RRM2B: variants seen among roughly 807,000 people sequenced by gnomAD.
The protein encoded by RRM2B is ribonucleotide reductase regulatory TP53 inducible subunit M2B, also known as ribonucleoside-diphosphate reductase subunit M2 B.
RRM2B carries 20 observed loss-of-function variants against 45.9 expected under a neutral mutation model. The observed-to-expected ratio is 0.44, with a 90% CI of 0.31 to 0.63. The LOEUF is 0.63. Ranked by LOEUF, RRM2B falls within the 30% of genes least tolerant of loss-of-function variation. The probability of loss-of-function intolerance (pLI) is 0.09; values close to 1 mark genes in which losing one functional copy is unlikely to be tolerated. For synonymous variants in RRM2B, 124 were observed against 132.3 expected (o/e 0.94, Z 0.43); for missense variants, 320 against 414.7 (o/e 0.77, Z 1.98).
chr8:102,234,166 C>T (rs927804169), intron 1 of RRM2B, among the ~76,000 whole-genome samples: 7 of 152,184 alleles, frequency 4.6e-5, no homozygotes, highest in African/African-American at 1.4e-4. Flanking sequence ...CACTCTTCAG[C>T]ACCAAATGCC....
Position 102,217,081 on chromosome 8 carries a change from G to C in RRM2B, c.684+1733C>G, listed in dbSNP as rs563357368. 1.1e-3 allele frequency among the ~76,000 whole-genome samples: 170 copies of C among 152,042 alleles called. 1 individual carries two copies. The highest frequency in any genetic ancestry group is 3.8e-3 in the African/African-American group (158 of 41,508). On this transcript the variant is annotated intron_variant, in intron 6 of 8. Transcript: ENST00000251810. ...ATACTATAGTAAAACAAAAAACCTGGAAATAATCTAAATTTCTAATTATAA... is the reference window on the plus strand; with the variant it reads ...ATACTATAGTAAAACAAAAAACCTGCAAATAATCTAAATTTCTAATTATAA...
rs771055735 is a variant in RRM2B at position 102,207,264 on chromosome 8, C to A, written c.*869G>T. ...TGACCACAGAATCCCCTTTTTCCCC[C>A]AAAAAAATATCTAGAGGAGCTAATA... On this transcript the variant is annotated 3_prime_UTR_variant, in exon 9 of 9. Transcript: ENST00000251810. The A allele has an allele frequency of 3.8e-4, 57 of 151,972 alleles. 1 individual carries two copies. The highest frequency in any genetic ancestry group is 4.6e-4 in the Non-Finnish European group (31 of 67,952). The allele number at this position is 151,972 out of a possible 1,614,324, so 9.4% of individuals were successfully genotyped here. A position where few individuals can be genotyped will look rare whatever the true frequency, so the allele number is the denominator to read the frequency against.
chr8:102,219,488 T>C (rs939991144), intron 5 of RRM2B, among the ~76,000 whole-genome samples: 1 of 152,146 alleles, frequency 6.6e-6, no homozygotes, highest in East Asian at 1.9e-4. Context: ...AATAAATATA[T>C]CTATTAGATA....
rs1810546250 is a variant in RRM2B at position 102,206,491 on chromosome 8, T to C, written c.*1642A>G. ...CAAATAAAGTTATGGCCTGCTCCTT[T>C]TGCATTCACTTGAGAACTCCCAGTT... is the stretch of plus-strand genomic sequence containing the variant. On this transcript the variant is annotated 3_prime_UTR_variant, in exon 9 of 9. Transcript: ENST00000251810. The C allele has an allele frequency of 6.6e-6, 1 of 152,166 alleles. No individual in the cohort carries two copies. The highest frequency in any genetic ancestry group is 1.5e-5 in the Non-Finnish European group (1 of 68,014). The allele number at this position is 152,166 out of a possible 1,614,324, so 9.4% of individuals were successfully genotyped here.
intron 1 of RRM2B, among the ~76,000 whole-genome samples, chr8:102,235,591 A>G (rs1811106306): frequency 6.6e-6 from 1 of 152,232 alleles, no homozygotes; most frequent in African/African-American, 2.4e-5. Context: ...CTGTAATCCC[A>G]GCACTTTCGG....
chr8:102,210,859 G>A (rs571008435), intron 8 of RRM2B, among the ~76,000 whole-genome samples: 30 of 152,234 alleles, frequency 2.0e-4, no homozygotes, highest in Non-Finnish European at 3.1e-4. Flanking sequence ...CTTGGCCTCC[G>A]AAGTGCTGGG....
rs780663127 is a variant in RRM2B at position 102,238,849 on chromosome 8, G to A, written c.26C>T (p.Ala9Val). The A allele has an allele frequency of 1.9e-6, 3 of 1,613,194 alleles. No homozygotes were observed. Among genetic ancestry groups the A allele is most frequent in the East Asian group, 2.2e-5 (1 of 44,868 alleles). MGDPERPE[A>V]AGLDQDERSS... is the part of the protein sequence containing the mutation. The stretch of plus-strand genomic sequence containing the variant: ...TACCTCATCCTGATCCAGCCCGGCC[G>A]CTTCCGGCCTTTCCGGGTCGCCCAT... Residue 9 changes from alanine to valine, a missense_variant, in exon 1 of 9, where the codon GCG (alanine) becomes GTG (valine). Physicochemically the swap from Ala to Val is moderately conservative, Grantham distance 64. Around this residue, in one of 3 missense-constraint regions of RRM2B, gnomAD observed 48 missense variants for 35.3 expected, o/e 1.36. Coordinates refer to ENST00000251810, the MANE Select transcript of RRM2B (RefSeq NM_015713.5).
intron 6 of RRM2B, among the ~76,000 whole-genome samples, chr8:102,218,486 G>C (rs1810770601): frequency 3.3e-5 from 5 of 152,152 alleles, no homozygotes; most frequent in Admixed American, 3.3e-4. Context: ...GGAAGGCTGA[G>C]GCAGGCAGAT....
At chr8:102,228,712 T>TCA (rs1810976203) in intron 2 of RRM2B, among the ~76,000 whole-genome samples, 1 of 152,212 alleles carries the variant, frequency 6.6e-6, no homozygotes, top group Non-Finnish European at 1.5e-5. Context: ...CTGCACCTGC[T>TCA]CACCTGCATG....
Position 102,205,573 on chromosome 8 carries a change from T to C in RRM2B, c.*2560A>G, listed in dbSNP as rs1810529796. The C allele has an allele frequency of 6.6e-6, 1 of 152,176 alleles. No homozygotes were observed. Among genetic ancestry groups the C allele is most frequent in the African/African-American group, 2.4e-5 (1 of 41,458 alleles). The allele number at this position is 152,176 out of a possible 1,614,324, so 9.4% of individuals were successfully genotyped here. The stretch of plus-strand genomic sequence containing the variant: ...CTGGCCATATTTCTATGTGATACAA[T>C]GAAACATTTTTAATAAATGCAATCT... On this transcript the variant is annotated 3_prime_UTR_variant, in exon 9 of 9. Coordinates refer to ENST00000251810, the MANE Select transcript of RRM2B (RefSeq NM_015713.5).
chr8:102,211,922 AAT>A (rs752933866), intron 8 of RRM2B, among the ~76,000 whole-genome samples: 5 of 152,224 alleles, frequency 3.3e-5, no homozygotes, highest in Non-Finnish European at 7.3e-5. Flanking sequence ...CAAGATAGGT[AAT>A]GATTACCACA....
chr8:102,238,570 G>A (rs570508498), intron 1 of RRM2B: 118 of 1,522,020 alleles, frequency 7.8e-5, no homozygotes, highest in Non-Finnish European at 9.8e-5. Context: ...CCGGCCTGAG[G>A]CCTCCAAGCG....
chr8:102,237,575 C>G (rs2132568759), intron 1 of RRM2B, among the ~76,000 whole-genome samples: 1 of 152,338 alleles, frequency 6.6e-6, no homozygotes, highest in Non-Finnish European at 1.5e-5. Flanking sequence ...AAGTTAAAAA[C>G]TTTTGGACCA....
chr8:102,224,186 C>CTTTT, intron 4 of RRM2B, 46 bp from the exon 5 acceptor site: 1 of 1,050,738 alleles, frequency 9.5e-7, no homozygotes, highest in Non-Finnish European at 1.4e-6. Context: ...ACTTGTTTTT[C>CTTTT]TTTTTTTTTT....
intron 6 of RRM2B, among the ~76,000 whole-genome samples, chr8:102,215,944 C>CCAAAAAAAAAAAAAAAAAAAA (rs1810722193): frequency 1.3e-5 from 1 of 75,714 alleles, no homozygotes. Context: ...GACCCTGTCT[C>CCAAAAAAAAAAAAAAAAAAAA]AAAAAAAAAA....
At chr8:102,232,628 G>C (rs1811052707) in intron 1 of RRM2B, among the ~76,000 whole-genome samples, 1 of 152,190 alleles carries the variant, frequency 6.6e-6, no homozygotes, top group Non-Finnish European at 1.5e-5. Flanking sequence ...ATTATTGCTA[G>C]TTTGAGGATA....
At chr8:102,230,322 C>T (rs1431790725) in intron 2 of RRM2B, among the ~76,000 whole-genome samples, 2 of 152,234 alleles carry the variant, frequency 1.3e-5, no homozygotes, top group Non-Finnish European at 2.9e-5. Context: ...CTACAGAACA[C>T]GTACCAACCT....
chr8:102,231,120 A>G (rs1446679281), intron 2 of RRM2B, among the ~76,000 whole-genome samples: 1 of 152,242 alleles, frequency 6.6e-6, no homozygotes, highest in Non-Finnish European at 1.5e-5. Context: ...CTGTATAGGT[A>G]TCACCCATTA....
chr8:102,229,441 A>G (rs1285190226), intron 2 of RRM2B, among the ~76,000 whole-genome samples: 1 of 152,254 alleles, frequency 6.6e-6, no homozygotes, highest in Non-Finnish European at 1.5e-5. Flanking sequence ...CACCGTGCTA[A>G]GCACTGGGGA....
Sources: gnomAD v4.1 joint callset for allele counts (sites outside exome capture counted in the v4.1 genomes callset) on GRCh38, gnomAD v4.1.1 for gene constraint, gnomAD v4.1.1 regional missense constraint, MANE v1.5 for transcripts, NCBI Gene and HGNC (gene_info 2026-07-23, HGNC 2026-07-21) for gene names.